Variants in ASTN2 observed in about 807,000 individuals in gnomAD.
The protein encoded by ASTN2 is astrotactin-2.
ASTN2 carries 54 observed loss-of-function variants against 139.8 expected under a neutral mutation model. The observed-to-expected ratio is 0.39, with a 90% CI of 0.31 to 0.48. The LOEUF (loss-of-function observed/expected upper bound fraction) is 0.48, where lower values mean the gene tolerates loss of function less well. Among genes scored for constraint, ASTN2 ranks in the 20% least tolerant of loss-of-function variants. The pLI, the probability that ASTN2 is intolerant of heterozygous loss-of-function variation, is 0.95. For synonymous variants in ASTN2, 756 were observed against 719.5 expected, an observed-to-expected ratio of 1.05 and a Z score of -0.81; for missense variants, 1,565 against 1,725.1, an observed-to-expected ratio of 0.91 and a Z score of 1.64.
chr9:116,479,361 T>A (rs1456346071), intron 20 of ASTN2, among the ~76,000 whole-genome samples: 1 of 152,196 alleles, frequency 6.6e-6, no homozygotes, highest in African/African-American at 2.4e-5. Context: ...AATTATAGTA[T>A]CCATGGTGGT....
At chr9:116,910,666 A>C (rs1834286070) in intron 10 of ASTN2, among the ~76,000 whole-genome samples, 1 of 152,188 alleles carries the variant, frequency 6.6e-6, no homozygotes, top group African/African-American at 2.4e-5. Context: ...AAACAGACAC[A>C]GGAAGAGTGC....
intron 3 of ASTN2, among the ~76,000 whole-genome samples, chr9:117,209,432 A>G (rs1165463721): frequency 6.6e-6 from 1 of 152,156 alleles, no homozygotes; most frequent in Non-Finnish European, 1.5e-5. Flanking sequence ...ACAGGCTTCA[A>G]TTCAATGCTG....
intron 16 of ASTN2, among the ~76,000 whole-genome samples, chr9:116,712,630 A>G (rs113253208): frequency 0.018 from 2,798 of 152,278 alleles, 87 homozygotes; most frequent in African/African-American, 0.063. Context: ...CTGCAATAGA[A>G]AGTGGGGTAT....
intron 5 of ASTN2, among the ~76,000 whole-genome samples, chr9:117,071,080 G>A (rs1474186965): frequency 1.3e-5 from 2 of 148,394 alleles, no homozygotes; most frequent in Non-Finnish European, 3.0e-5. Context: ...GAGGAGGAGA[G>A]GCGCTCTGAT....
chr9:117,247,867 A>G (rs1481187906), intron 2 of ASTN2, among the ~76,000 whole-genome samples: 1 of 152,222 alleles, frequency 6.6e-6, no homozygotes, highest in East Asian at 1.9e-4. Flanking sequence ...GACATGACTC[A>G]TATATGTGCC....
chr9:117,377,719 A>AATAGGAATATAGCG (rs1830162499), intron 1 of ASTN2, among the ~76,000 whole-genome samples: 1 of 151,754 alleles, frequency 6.6e-6, no homozygotes, highest in Admixed American at 6.6e-5. Flanking sequence ...AATGTCCATC[A>AATAGGAATATAGCG]ATAGGAAATA....
chr9:116,725,531 C>A (rs529513153), intron 16 of ASTN2, among the ~76,000 whole-genome samples: 1 of 152,192 alleles, frequency 6.6e-6, no homozygotes, highest in African/African-American at 2.4e-5. Context: ...GAGTCTAGAA[C>A]ACTAACTTGA....
intron 16 of ASTN2, among the ~76,000 whole-genome samples, chr9:116,669,556 A>G (rs1859066034): frequency 6.6e-6 from 1 of 152,212 alleles, no homozygotes; most frequent in South Asian, 2.1e-4. Context: ...CTTATTTGCC[A>G]TATGTCTATC....
At chr9:117,349,074 G>A (rs370168591) in intron 1 of ASTN2, among the ~76,000 whole-genome samples, 2 of 152,144 alleles carry the variant, frequency 1.3e-5, no homozygotes, top group African/African-American at 2.4e-5. Context: ...GAAGCATGCC[G>A]GGAGGCCCAT....
intron 19 of ASTN2, among the ~76,000 whole-genome samples, chr9:116,591,236 GCCA>G (rs1854366878): frequency 6.6e-6 from 1 of 152,194 alleles, no homozygotes; most frequent in Non-Finnish European, 1.5e-5. Context: ...GCTTCCAGAT[GCCA>G]CCATGTTCCC....
At chr9:116,736,715 G>A (rs1254104371) in intron 13 of ASTN2, among the ~76,000 whole-genome samples, 1 of 152,168 alleles carries the variant, frequency 6.6e-6, no homozygotes, top group Non-Finnish European at 1.5e-5. Context: ...CTTACATAAT[G>A]GATGCATTTG....
At chr9:117,115,628 G>A (rs565606704) in intron 4 of ASTN2, among the ~76,000 whole-genome samples, 4 of 152,280 alleles carry the variant, frequency 2.6e-5, no homozygotes, top group African/African-American at 7.2e-5. Context: ...ACAAATAGCT[G>A]TAGTTTCATT....
chr9:116,926,679 G>A (rs759713707), intron 10 of ASTN2, among the ~76,000 whole-genome samples: 2 of 152,156 alleles, frequency 1.3e-5, no homozygotes, highest in Non-Finnish European at 2.9e-5. Flanking sequence ...CTTCATTTAA[G>A]TCTTTTCCAG....
In ASTN2 at chr9:116,921,586, TAAAAAAAAAAA is replaced by T. The variant is rs11371651; in HGVS notation, c.1889+53611_1889+53621del. 3.5e-3 allele frequency among the ~76,000 whole-genome samples: 392 copies of T among 112,956 alleles called. 2 individuals carry two copies. The highest frequency in any genetic ancestry group is 0.014 in the African/African-American group (377 of 27,502). The allele number at this position is 112,956 out of a possible 152,430, so 74.1% of individuals were successfully genotyped here. A position where few individuals can be genotyped will look rare whatever the true frequency, so the allele number is the denominator to read the frequency against. On this transcript the variant is annotated intron_variant, in intron 10 of 22. Coordinates refer to ENST00000313400, the MANE Select transcript of ASTN2 (RefSeq NM_001365068.1). ...CTGGGCGACCGAGCGAGACTCCGTC[TAAAAAAAAAAA>T]AAAAAAAAAGAACTACCCAAGACTG...
intron 7 of ASTN2, among the ~76,000 whole-genome samples, chr9:116,997,943 A>G (rs1353149479): frequency 6.6e-6 from 1 of 152,206 alleles, no homozygotes; most frequent in Non-Finnish European, 1.5e-5. Flanking sequence ...CATCTGCTAT[A>G]TATAGATAAT....
chr9:117,054,722 G>A (rs766700718), intron 5 of ASTN2, among the ~76,000 whole-genome samples: 2 of 152,188 alleles, frequency 1.3e-5, no homozygotes, highest in Non-Finnish European at 2.9e-5. Context: ...GGCAGAAGAA[G>A]CCAGAGAGAT....
At chr9:116,569,467 C>G (rs150743386) in intron 19 of ASTN2, among the ~76,000 whole-genome samples, 1 of 152,300 alleles carries the variant, frequency 6.6e-6, no homozygotes, top group East Asian at 1.9e-4. Flanking sequence ...CTTAGCTTTC[C>G]TACCAGTAAA....
intron 10 of ASTN2, among the ~76,000 whole-genome samples, chr9:116,910,983 A>G (rs1834294556): frequency 6.6e-6 from 1 of 152,194 alleles, no homozygotes; most frequent in Admixed American, 6.5e-5. Flanking sequence ...TTATCACCAG[A>G]GGTACCTGCC....
At chr9:117,273,345 C>T (rs1304367950) in intron 2 of ASTN2, among the ~76,000 whole-genome samples, 1 of 152,184 alleles carries the variant, frequency 6.6e-6, no homozygotes, top group Non-Finnish European at 1.5e-5. Flanking sequence ...TGGGTAGGAA[C>T]ACAGCCAAAC....
Sources: allele counts gnomAD v4.1 joint callset (sites outside exome capture counted in the v4.1 genomes callset), GRCh38; gene constraint gnomAD v4.1.1; transcripts MANE v1.5; gene names NCBI Gene and HGNC (gene_info 2026-07-23, HGNC 2026-07-21).